The following SNX29 variants were observed in gnomAD, a reference collection of about 807,000 sequenced individuals.
The protein encoded by SNX29 is sorting nexin 29.
In SNX29, 78 loss-of-function variants were observed where a neutral mutation model predicts 102.1. That is an observed-to-expected ratio of 0.76 (90% CI 0.64 to 0.92). The LOEUF (loss-of-function observed/expected upper bound fraction) is 0.92. Among genes scored for constraint, SNX29 ranks in the 40% least tolerant of loss-of-function variants. The pLI is 0.00. For synonymous variants in SNX29, 580 were observed against 414.5 expected, an observed-to-expected ratio of 1.40 and a Z score of -4.85; for missense variants, 1,280 against 1,061.7, an observed-to-expected ratio of 1.21 and a Z score of -2.86.
At chr16:12,542,292 C>G (rs1049173226) in intron 20 of SNX29, among the ~76,000 whole-genome samples, 1 of 152,014 alleles carries the variant, frequency 6.6e-6, no homozygotes, top group Non-Finnish European at 1.5e-5. Context: ...AGGAACTTGC[C>G]CAAGATCACA....
At chr16:12,541,869 C>T (rs2077357525) in intron 20 of SNX29, among the ~76,000 whole-genome samples, 1 of 152,262 alleles carries the variant, frequency 6.6e-6, no homozygotes, top group Non-Finnish European at 1.5e-5. Flanking sequence ...GGAAACCAGT[C>T]AATGCTTGAT....
chr16:12,548,068 A>G (rs916099), intron 20 of SNX29, among the ~76,000 whole-genome samples: 40,248 of 151,928 alleles, frequency 0.26, 6,236 homozygotes, highest in East Asian at 0.53. Flanking sequence ...ACACACGGTC[A>G]GGCATGACAT....
At chr16:12,562,028 G>A (rs2078753656) in intron 20 of SNX29, among the ~76,000 whole-genome samples, 1 of 152,116 alleles carries the variant, frequency 6.6e-6, no homozygotes, top group Non-Finnish European at 1.5e-5. Flanking sequence ...GGCCCCTCAT[G>A]GATTTAGGGA....
chr16:12,514,641 A>C (rs1050264617), intron 19 of SNX29, among the ~76,000 whole-genome samples: 8 of 152,200 alleles, frequency 5.3e-5, no homozygotes, highest in African/African-American at 1.9e-4. Context: ...AAGACGGGCA[A>C]ATCACTTGAG....
At chr16:12,275,275 C>T (rs1484443496) in intron 14 of SNX29, among the ~76,000 whole-genome samples, 2 of 152,236 alleles carry the variant, frequency 1.3e-5, no homozygotes, top group South Asian at 4.1e-4. Flanking sequence ...TCTGCCTGCT[C>T]TTCTGGGAAT....
At chr16:12,516,605 C>T (rs1257070491) in intron 19 of SNX29, among the ~76,000 whole-genome samples, 2 of 152,064 alleles carry the variant, frequency 1.3e-5, no homozygotes, top group Non-Finnish European at 2.9e-5. Flanking sequence ...CCTATATCAG[C>T]TGACTCCAAA....
In SNX29 at chr16:12,570,071, G is replaced by A. The variant is rs945572999; in HGVS notation, c.*1442G>A. On this transcript the variant is annotated 3_prime_UTR_variant, in exon 21 of 21. Transcript: ENST00000566228. The stretch of plus-strand genomic sequence containing the variant: ...CGAGGACATCTCTGGAGAATCATCT[G>A]GAAGGTTTATACTGTGCCTTCCCCT... 1.7e-5 allele frequency: 12 copies of A among 688,950 alleles called. No individual in the cohort carries two copies. The South Asian group carries it at 4.1e-4, about 23-fold the overall frequency. 42.7% of individuals were successfully genotyped at this position (688,950 alleles called of 1,614,324 possible).
chr16:12,049,857 T>A (rs947487335), intron 7 of SNX29, among the ~76,000 whole-genome samples: 24 of 152,208 alleles, frequency 1.6e-4, no homozygotes, highest in African/African-American at 5.5e-4. Context: ...CCTCAAGTGA[T>A]CCTCCTGCCT....
At chr16:12,075,257 C>G (rs986605162) in intron 10 of SNX29, among the ~76,000 whole-genome samples, 1 of 152,172 alleles carries the variant, frequency 6.6e-6, no homozygotes, top group Admixed American at 6.6e-5. Flanking sequence ...TTAGAGTTTG[C>G]AGTTTTTCTG....
chr16:12,108,412 C>T (rs182065518), intron 11 of SNX29, among the ~76,000 whole-genome samples: 3 of 152,258 alleles, frequency 2.0e-5, no homozygotes, highest in East Asian at 3.9e-4. Context: ...CATGGGAGAA[C>T]CAAGTCAGCA....
intron 18 of SNX29, among the ~76,000 whole-genome samples, chr16:12,460,731 C>T (rs1212816046): frequency 6.7e-6 from 1 of 149,742 alleles, no homozygotes; most frequent in Non-Finnish European, 1.5e-5. Context: ...GATCTCAGCT[C>T]AATGCAACCT....
intron 13 of SNX29, among the ~76,000 whole-genome samples, chr16:12,189,417 G>A (rs952954950): frequency 6.6e-6 from 1 of 152,132 alleles, no homozygotes; most frequent in Non-Finnish European, 1.5e-5. Context: ...CCAGTTTATT[G>A]TGCAGAATGT....
intron 13 of SNX29, among the ~76,000 whole-genome samples, chr16:12,156,968 C>G (rs923429711): frequency 6.6e-6 from 1 of 152,186 alleles, no homozygotes; most frequent in Non-Finnish European, 1.5e-5. Context: ...CGTGTTTCTC[C>G]TGGGAGCAGA....
At chr16:12,311,846 T>G (rs2080563963) in intron 15 of SNX29, among the ~76,000 whole-genome samples, 1 of 152,260 alleles carries the variant, frequency 6.6e-6, no homozygotes, top group Admixed American at 6.5e-5. Flanking sequence ...TTGGTTTAAC[T>G]TAACATAGCT....
At position 11,978,482 on chromosome 16, in the gene SNX29, A is replaced by T. The variant is rs192274794; in HGVS notation, c.7+1669A>T. On this transcript the variant is annotated intron_variant, in intron 1 of 20. Transcript: ENST00000566228. ...TTGTAATGACTAAATAACATTCATCAGTTAAAGTGACTGGTACTGTGAATA... is the reference window on the plus strand; with the variant it reads ...TTGTAATGACTAAATAACATTCATCTGTTAAAGTGACTGGTACTGTGAATA... Among the ~76,000 whole-genome samples, 208 of 152,316 alleles carry T rather than the reference A, an allele frequency of 1.4e-3. 1 individual carries two copies. The highest frequency in any genetic ancestry group is 1.5e-4 in the Non-Finnish European group (10 of 68,034).
chr16:12,418,726 G>C (rs568743644), intron 18 of SNX29, among the ~76,000 whole-genome samples: 1 of 152,220 alleles, frequency 6.6e-6, no homozygotes, highest in African/African-American at 2.4e-5. Context: ...TGTTGGTTAG[G>C]CTGGTCTCGA....
chr16:12,524,377 G>A (rs1351306349), intron 19 of SNX29, among the ~76,000 whole-genome samples: 1 of 151,920 alleles, frequency 6.6e-6, no homozygotes, highest in Admixed American at 6.6e-5. Context: ...GGCCACAGCA[G>A]TGTGTTCATT....
At chr16:12,447,642 G>C (rs1183583040) in intron 18 of SNX29, among the ~76,000 whole-genome samples, 1 of 152,228 alleles carries the variant, frequency 6.6e-6, no homozygotes, top group Non-Finnish European at 1.5e-5. Context: ...AAACCAGTTG[G>C]CTGAGGGGAC....
chr16:12,213,367 G>T, intron 14 of SNX29, among the ~76,000 whole-genome samples: 1 of 152,236 alleles, frequency 6.6e-6, no homozygotes, highest in South Asian at 2.1e-4. Flanking sequence ...TACCTATTGG[G>T]TCTAGAGTAC....
Sources: allele counts gnomAD v4.1 joint callset (sites outside exome capture counted in the v4.1 genomes callset), GRCh38; gene constraint gnomAD v4.1.1; transcripts MANE v1.5; gene names NCBI Gene and HGNC (gene_info 2026-07-23, HGNC 2026-07-21).